Variants in ADAMTSL3 observed in about 807,000 individuals in gnomAD.
The protein encoded by ADAMTSL3 is ADAMTS-like protein 3.
In ADAMTSL3, 128 loss-of-function variants were observed where a neutral mutation model predicts 201.7. That is an observed-to-expected ratio of 0.63 (90% confidence interval 0.55 to 0.73). ADAMTSL3 has a LOEUF of 0.73. Ranked by LOEUF, ADAMTSL3 falls within the 30% of genes least tolerant of loss-of-function variation. The probability of loss-of-function intolerance (pLI) is 0.00; values close to 1 mark genes in which losing one functional copy is unlikely to be tolerated. For missense variants in ADAMTSL3, 1,990 were observed against 2,119.6 expected (o/e 0.94, Z 1.20); for synonymous variants, 738 against 748.4 (o/e 0.99, Z 0.23).
At chr15:83,908,650 G>A (rs1355560363) in intron 15 of ADAMTSL3, among the ~76,000 whole-genome samples, 3 of 152,160 alleles carry the variant, frequency 2.0e-5, no homozygotes, top group African/African-American at 7.2e-5. Flanking sequence ...CTGTCTTTAT[G>A]TTCCTATAGG....
chr15:83,679,135 A>T (rs941551396), intron 2 of ADAMTSL3, among the ~76,000 whole-genome samples: 2 of 151,926 alleles, frequency 1.3e-5, no homozygotes, highest in Admixed American at 6.6e-5. Flanking sequence ...GGTTTTAAAA[A>T]TTTTTTAAAT....
At chr15:83,920,997 T>C (rs2066132477) in intron 16 of ADAMTSL3, among the ~76,000 whole-genome samples, 1 of 152,220 alleles carries the variant, frequency 6.6e-6, no homozygotes, top group African/African-American at 2.4e-5. Flanking sequence ...AATTACATAA[T>C]TTAGATTCAC....
rs1282116319 is a variant in ADAMTSL3, at chr15:83,964,720, G to A, written c.2491-5764G>A. Among the ~76,000 whole-genome samples the A allele has an allele frequency of 3.9e-5, 6 of 152,054 alleles. No individual in the cohort carries two copies. The South Asian group carries it at 6.2e-4, about 16-fold the overall frequency. On this transcript the variant is annotated intron_variant, in intron 19 of 29. Transcript: ENST00000286744. Reference sequence around the variant, plus strand: ...AAGAACAACCCCAAGACACATAATCGTCAGATTTACCATGATTGAAATGAA... The same window carrying A: ...AAGAACAACCCCAAGACACATAATCATCAGATTTACCATGATTGAAATGAA...
chr15:83,897,882 T>A lies in ADAMTSL3; in HGVS notation c.1492T>A (p.Leu498Ile). ...GTGCACAGTGACTTGTGGCCGAGGG[T>A]TACGGTACCGGGTTGTTCTGTGTAT... ...SQCTVTCGRG[L>I]RYRVVLCINH... is the part of the protein sequence containing the mutation. Residue 498 changes from leucine to isoleucine, a missense_variant, in exon 14 of 30, where the codon TTA becomes ATA. By Grantham distance (5) the Leu-to-Ile change is conservative (BLOSUM62 2). Coordinates refer to ENST00000286744, the MANE Select transcript of ADAMTSL3 (RefSeq NM_207517.3). The A allele has an allele frequency of 6.2e-7, 1 of 1,609,060 alleles. No homozygotes were observed. The highest frequency in any genetic ancestry group is 2.2e-5 in the East Asian group (1 of 44,776).
chr15:83,868,216 C>T (rs763108982), intron 8 of ADAMTSL3, among the ~76,000 whole-genome samples: 1 of 152,108 alleles, frequency 6.6e-6, no homozygotes, highest in Non-Finnish European at 1.5e-5. Flanking sequence ...CTCTGAGAAC[C>T]GAAGGGCTTG....
chr15:83,781,554 A>G (rs146637712), intron 4 of ADAMTSL3, among the ~76,000 whole-genome samples: 226 of 152,350 alleles, frequency 1.5e-3, no homozygotes, highest in Admixed American at 2.3e-3. Context: ...CAAAGATTAC[A>G]TGAGGAAGAC....
intron 3 of ADAMTSL3, among the ~76,000 whole-genome samples, chr15:83,742,755 T>C (rs1413823314): frequency 6.6e-6 from 1 of 152,242 alleles, no homozygotes; most frequent in Non-Finnish European, 1.5e-5. Context: ...AAATTTTGAC[T>C]GGCTGTGTTT....
chr15:83,944,521 C>G (rs1443986758), intron 19 of ADAMTSL3, among the ~76,000 whole-genome samples: 1 of 152,216 alleles, frequency 6.6e-6, no homozygotes, highest in African/African-American at 2.4e-5. Flanking sequence ...CAGGCATAGT[C>G]ATGACCTGCT....
chr15:84,021,574 A>G lies in ADAMTSL3; in HGVS notation c.4438A>G (p.Ile1480Val), dbSNP rs201686248. The change falls in exon 26 of 30, where the codon ATC becomes GTC. Residue 1480 changes from isoleucine (I) to valine (V), a missense_variant. Transcript: ENST00000286744. ...KPLAGFEPCN[I>V]RDCPARWFTS... is the part of the protein sequence containing the mutation. ...ACTGGCTGGGTTTGAGCCCTGTAAC[A>G]TCCGGGACTGCCCAGCGAGGTAAGT... 2 of 1,614,100 alleles carry G rather than the reference A, an allele frequency of 1.2e-6. No individual in the cohort carries two copies. The highest frequency in any genetic ancestry group is 4.5e-5 in the East Asian group (2 of 44,888).
chr15:84,004,030 G>T (rs916524531), intron 23 of ADAMTSL3, among the ~76,000 whole-genome samples: 1 of 152,182 alleles, frequency 6.6e-6, no homozygotes, highest in Non-Finnish European at 1.5e-5. Context: ...CCTTGTTAAT[G>T]GAAGAAAAAC....
chr15:83,666,121 A>G (rs1467031722), intron 2 of ADAMTSL3, among the ~76,000 whole-genome samples: 1 of 152,208 alleles, frequency 6.6e-6, no homozygotes, highest in Non-Finnish European at 1.5e-5. Flanking sequence ...ATTAACAAAT[A>G]TGTATCTTTT....
intron 3 of ADAMTSL3, among the ~76,000 whole-genome samples, chr15:83,772,072 T>G (rs532795440): frequency 2.6e-5 from 4 of 152,300 alleles, no homozygotes; most frequent in African/African-American, 9.6e-5. Context: ...CAGGCTGGTC[T>G]TGAACTCCTG....
chr15:83,780,756 A>G (rs959033554), intron 4 of ADAMTSL3, among the ~76,000 whole-genome samples: 1 of 152,232 alleles, frequency 6.6e-6, no homozygotes, highest in Non-Finnish European at 1.5e-5. Flanking sequence ...TAACTTCAGC[A>G]AAGTCTCAGG....
At chr15:83,701,164 G>A (rs1000727381) in intron 2 of ADAMTSL3, among the ~76,000 whole-genome samples, 4 of 152,154 alleles carry the variant, frequency 2.6e-5, no homozygotes, top group Non-Finnish European at 4.4e-5. Context: ...CCAAGCAGGG[G>A]GAGTGAGGTA....
intron 8 of ADAMTSL3, among the ~76,000 whole-genome samples, chr15:83,864,722 C>T (rs1300187352): frequency 6.6e-6 from 1 of 152,204 alleles, no homozygotes. Flanking sequence ...GATGCCCTCT[C>T]TCACCACTCC....
chr15:83,825,388 G>A (rs2064000208), intron 6 of ADAMTSL3, among the ~76,000 whole-genome samples: 2 of 152,128 alleles, frequency 1.3e-5, no homozygotes, highest in South Asian at 2.1e-4. Flanking sequence ...AGACAGGAGA[G>A]TTCGTTAAGC....
chr15:83,755,263 T>C (rs551972070), intron 3 of ADAMTSL3, among the ~76,000 whole-genome samples: 1 of 152,326 alleles, frequency 6.6e-6, no homozygotes, highest in East Asian at 1.9e-4. Flanking sequence ...AAATATATAT[T>C]GTTTAACATT....
intron 14 of ADAMTSL3, 24 bp from the exon 15 acceptor site, chr15:83,899,623 T>G: frequency 1.2e-6 from 2 of 1,602,712 alleles, no homozygotes; most frequent in Non-Finnish European, 1.7e-6. Context: ...ATTAGGCTCA[T>G]TGTTTATGTT....
chr15:83,984,202 C>T (rs2067436565), intron 21 of ADAMTSL3, among the ~76,000 whole-genome samples: 1 of 152,130 alleles, frequency 6.6e-6, no homozygotes, highest in South Asian at 2.1e-4. Context: ...TGTAAGAGCT[C>T]CAGCTCTACC....
Sources: gnomAD v4.1 joint callset for allele counts (sites outside exome capture counted in the v4.1 genomes callset) on GRCh38, gnomAD v4.1.1 for gene constraint, MANE v1.5 for transcripts, NCBI Gene and HGNC (gene_info 2026-07-23, HGNC 2026-07-21) for gene names.